PCCB: variants seen among roughly 807,000 people sequenced by gnomAD.
The protein encoded by PCCB is propionyl-CoA carboxylase subunit beta, also known as propionyl-CoA carboxylase beta chain, mitochondrial.
A neutral mutation model predicts 60.7 loss-of-function variants in PCCB; 43 were observed. The ratio of observed to expected loss-of-function variants is 0.71; its 90% CI spans 0.55 to 0.91. PCCB has a LOEUF of 0.91. Among genes scored for constraint, PCCB ranks in the 40% least tolerant of loss-of-function variants. The pLI is 0.00. For synonymous variants in PCCB, 276 were observed against 255.9 expected, an observed-to-expected ratio of 1.08 and a Z score of -0.75; for missense variants, 766 against 702.8, an observed-to-expected ratio of 1.09 and a Z score of -1.02.
chr3:136,309,938 A>G (rs1428855623), intron 9 of PCCB, among the ~76,000 whole-genome samples: 1 of 151,910 alleles, frequency 6.6e-6, no homozygotes, highest in Non-Finnish European at 1.5e-5. Flanking sequence ...TACTTCACCA[A>G]AAAGCACAAG....
intron 5 of PCCB, among the ~76,000 whole-genome samples, chr3:136,280,078 C>T (rs1208153861): frequency 6.6e-6 from 1 of 152,198 alleles, no homozygotes. Flanking sequence ...AAAGACATTA[C>T]AAACCAAAGT....
intron 4 of PCCB, among the ~76,000 whole-genome samples, chr3:136,261,106 G>A (rs952870272): frequency 5.9e-5 from 9 of 152,102 alleles, no homozygotes; most frequent in African/African-American, 1.7e-4. Context: ...AGATCTCTTG[G>A]GGTTCTGAGG....
Position 136,293,831 on chromosome 3 carries a change from C to A in PCCB, c.730C>A (p.Leu244Ile), listed in dbSNP as rs755054401. ...CAATGAGGATGTTACCCAGGAGGAG[C>A]TCGGTGGTGCCAAGACCCACACCAC... ...VTNEDVTQEE[L>I]GGAKTHTTMS... The change falls in exon 7 of 15, where the codon CTC becomes ATC. Residue 244 changes from leucine to isoleucine, a missense_variant. Transcript: ENST00000251654. The A allele has an allele frequency of 1.2e-6, 2 of 1,611,508 alleles. No individual in the cohort carries two copies. Among genetic ancestry groups the A allele is most frequent in the Admixed American group, 3.3e-5 (2 of 60,008 alleles).
chr3:136,292,828 C>T (rs1178590808), intron 6 of PCCB, among the ~76,000 whole-genome samples: 1 of 152,108 alleles, frequency 6.6e-6, no homozygotes, highest in Non-Finnish European at 1.5e-5. Flanking sequence ...AGAGAAGAAA[C>T]TGACAGGGTA....
chr3:136,327,751 T>C lies in PCCB; in HGVS notation c.1398+19T>C, dbSNP rs972298719. ...AGCAAAGGTGAGGGCCTCTTGCTTT[T>C]CCCTTTCTGGGTCCAAGGACTCGAC... On this transcript the variant is annotated intron_variant, in intron 13 of 14. Coordinates refer to ENST00000251654, the MANE Select transcript of PCCB (RefSeq NM_000532.5). 6.3e-7 allele frequency: 1 copy of C among 1,587,850 alleles called. No homozygotes were observed. Among genetic ancestry groups the C allele is most frequent in the Non-Finnish European group, 8.6e-7 (1 of 1,156,928 alleles).
intron 2 of PCCB, 33 bp from the exon 3 acceptor site, chr3:136,256,522 T>G: frequency 6.5e-7 from 1 of 1,549,134 alleles, no homozygotes; most frequent in Non-Finnish European, 8.9e-7. Flanking sequence ...GTATTTGGAT[T>G]TTTTAACCTT....
At chr3:136,284,795 A>C (rs1328807487) in intron 6 of PCCB, among the ~76,000 whole-genome samples, 2 of 152,134 alleles carry the variant, frequency 1.3e-5, no homozygotes, top group African/African-American at 2.4e-5. Flanking sequence ...TTATTAATCA[A>C]ATTTAAGATG....
At chr3:136,302,506 G>T (rs1934327763) in intron 9 of PCCB, among the ~76,000 whole-genome samples, 1 of 118,318 alleles carries the variant, frequency 8.5e-6, no homozygotes, top group Non-Finnish European at 1.9e-5. Context: ...AAATACTCTT[G>T]TTTGTAATTT....
At chr3:136,315,577 T>A (rs1427693557) in intron 9 of PCCB, among the ~76,000 whole-genome samples, 1 of 152,102 alleles carries the variant, frequency 6.6e-6, no homozygotes, top group Non-Finnish European at 1.5e-5. Flanking sequence ...ATGCCTGTAA[T>A]CTCAGCACTT....
intron 6 of PCCB, among the ~76,000 whole-genome samples, chr3:136,293,303 GAT>G: frequency 6.6e-6 from 1 of 152,274 alleles, no homozygotes; most frequent in South Asian, 2.1e-4. Flanking sequence ...GTAACCCACT[GAT>G]TTATCAATAT....
At chr3:136,256,349 C>T (rs2108137929) in intron 2 of PCCB, 1 of 611,942 alleles carries the variant, frequency 1.6e-6, no homozygotes, top group Non-Finnish European at 2.9e-6. Flanking sequence ...GATGACAGTG[C>T]CATTCACTCC....
intron 3 of PCCB, among the ~76,000 whole-genome samples, chr3:136,258,247 G>T (rs936589151): frequency 8.5e-5 from 13 of 152,172 alleles, no homozygotes; most frequent in Non-Finnish European, 1.9e-4. Context: ...CATGTGGTAG[G>T]GTGGGAGTGA....
chr3:136,326,923 C>T lies in PCCB; in HGVS notation c.1198+13C>T. 1 of 1,526,068 alleles carries T rather than the reference C, an allele frequency of 6.6e-7. No individual in the cohort carries two copies. The highest frequency in any genetic ancestry group is 9.1e-7 in the Non-Finnish European group (1 of 1,099,642). The allele number at this position is 1,526,068 out of a possible 1,614,324, so 94.5% of individuals were successfully genotyped here. A position where few individuals can be genotyped will look rare whatever the true frequency, so the allele number is the denominator to read the frequency against. ...GGCTTTCTACCTGGTAAGTTTTTGACAGAGTGGGGGCTAGGAGAGTTGCCT... is the reference window on the plus strand; with the variant it reads ...GGCTTTCTACCTGGTAAGTTTTTGATAGAGTGGGGGCTAGGAGAGTTGCCT... On this transcript the variant is annotated intron_variant, in intron 11 of 14. Transcript: ENST00000251654.
At chr3:136,329,658 G>C (rs569596079) in intron 14 of PCCB, among the ~76,000 whole-genome samples, 1 of 152,288 alleles carries the variant, frequency 6.6e-6, no homozygotes, top group Admixed American at 6.5e-5. Flanking sequence ...GGAGCAAGCA[G>C]GGTATAGGGA....
intron 5 of PCCB, among the ~76,000 whole-genome samples, chr3:136,268,057 T>A (rs1287661698): frequency 2.1e-5 from 2 of 93,932 alleles, no homozygotes; most frequent in Non-Finnish European, 4.8e-5. Flanking sequence ...CTAGTGTGTG[T>A]GTGTGTGCGT....
intron 7 of PCCB, among the ~76,000 whole-genome samples, chr3:136,297,633 C>T (rs538326753): frequency 8.5e-5 from 13 of 152,192 alleles, no homozygotes; most frequent in African/African-American, 3.1e-4. Flanking sequence ...GGAGAACTCC[C>T]GCATGGTATA....
Position 136,260,533 on chromosome 3 carries a change from A to T in PCCB, c.427A>T (p.Lys143Ter). The T allele has an allele frequency of 6.2e-7, 1 of 1,611,552 alleles. No individual in the cohort carries two copies. The highest frequency in any genetic ancestry group is 8.5e-7 in the Non-Finnish European group (1 of 1,177,750). Residue 143 changes from lysine (K) to a stop codon, truncating the protein, a stop_gained and splice_region_variant, in exon 4 of 15, where the codon AAA becomes TAA. Coordinates refer to ENST00000251654, the MANE Select transcript of PCCB (RefSeq NM_000532.5). LOFTEE classifies it high-confidence loss of function. ...AGGAGCACATGCCCAAAAGATCTGC[A>T]AAGTAAGTGTTTAATACTCAAATTC... ...LSGAHAQKIC[K>*]IMDQAITVGA...
intron 1 of PCCB, among the ~76,000 whole-genome samples, chr3:136,252,137 G>A (rs763246830): frequency 3.3e-5 from 5 of 150,994 alleles, no homozygotes; most frequent in Non-Finnish European, 5.9e-5. Context: ...CCACCTTGGC[G>A]TCCCAAAGTG....
chr3:136,301,716 T>TAA (rs2108209672), intron 9 of PCCB, among the ~76,000 whole-genome samples: 1 of 152,266 alleles, frequency 6.6e-6, no homozygotes, highest in Non-Finnish European at 1.5e-5. Flanking sequence ...GGCTCTCTGG[T>TAA]AACTCTAGAA....
Sources: gnomAD v4.1 joint callset for allele counts (sites outside exome capture counted in the v4.1 genomes callset) on GRCh38, gnomAD v4.1.1 for gene constraint, MANE v1.5 for transcripts, NCBI Gene and HGNC (gene_info 2026-07-23, HGNC 2026-07-21) for gene names.